FOXP2: variants seen among roughly 807,000 people sequenced by gnomAD.
FOXP2 encodes forkhead box protein P2.
FOXP2 carries 12 observed loss-of-function variants against 115.8 expected under a neutral mutation model. That is an observed-to-expected ratio of 0.10 (90% confidence interval 0.07 to 0.17). The LOEUF is 0.17. Among genes scored for constraint, FOXP2 ranks in the 10% least tolerant of loss-of-function variants. FOXP2 has a pLI of 1.00. For missense variants in FOXP2, 629 were observed against 843.5 expected (o/e 0.75, Z 3.15); for synonymous variants, 328 against 297.7 (o/e 1.10, Z -1.05).
At chr7:114,124,955 C>A (rs944030715) in intron 1 of FOXP2, among the ~76,000 whole-genome samples, 2 of 152,020 alleles carry the variant, frequency 1.3e-5, no homozygotes, top group Non-Finnish European at 2.9e-5. Context: ...GACAAGGAAA[C>A]AAGAATATAA....
intron 3 of FOXP2, among the ~76,000 whole-genome samples, chr7:114,554,579 T>C (rs990425180): frequency 3.3e-5 from 5 of 152,150 alleles, no homozygotes; most frequent in African/African-American, 1.2e-4. Context: ...ATTATGATTT[T>C]TTGAAAATTT....
At chr7:114,663,311 T>C in intron 14 of FOXP2, 139 bp from the exon 15 acceptor site, 2 of 635,102 alleles carry the variant, frequency 3.1e-6, no homozygotes, top group Non-Finnish European at 5.5e-6. Context: ...CTCTATTACC[T>C]TATTTTTGTG....
chr7:114,259,325 G>A (rs1222752775), intron 1 of FOXP2, among the ~76,000 whole-genome samples: 4 of 152,142 alleles, frequency 2.6e-5, no homozygotes, highest in Non-Finnish European at 1.5e-5. Context: ...CACTGAAATA[G>A]GCTGTTAAAA....
At chr7:114,113,576 C>A (rs1791329177) in intron 1 of FOXP2, among the ~76,000 whole-genome samples, 1 of 152,002 alleles carries the variant, frequency 6.6e-6, no homozygotes, top group African/African-American at 2.4e-5. Context: ...CACTTTGTTG[C>A]CCAGGATGGT....
chr7:114,409,509 AT>A (rs1227731766), upstream of FOXP2, among the ~76,000 whole-genome samples: 1 of 152,148 alleles, frequency 6.6e-6, no homozygotes, highest in Non-Finnish European at 1.5e-5. Context: ...TGAAGAATAA[AT>A]TCAATACATT....
At chr7:114,235,935 C>G (rs1390466279) in intron 1 of FOXP2, among the ~76,000 whole-genome samples, 1 of 152,184 alleles carries the variant, frequency 6.6e-6, no homozygotes, top group African/African-American at 2.4e-5. Flanking sequence ...TAATTTCTCT[C>G]TAAGTGCTTG....
At chr7:114,227,843 T>G (rs1003324692) in intron 1 of FOXP2, among the ~76,000 whole-genome samples, 3 of 151,950 alleles carry the variant, frequency 2.0e-5, no homozygotes, top group Non-Finnish European at 2.9e-5. Context: ...TAGTATACTT[T>G]CTAGAGATGG....
chr7:114,194,367 TTC>T (rs1382863366), intron 1 of FOXP2, among the ~76,000 whole-genome samples: 7 of 152,198 alleles, frequency 4.6e-5, no homozygotes, highest in Non-Finnish European at 7.4e-5. Context: ...CCCTTTATCT[TTC>T]TCTCTGTCTT....
At chr7:114,647,118 G>T (rs535603660) in intron 8 of FOXP2, among the ~76,000 whole-genome samples, 19 of 151,920 alleles carry the variant, frequency 1.3e-4, no homozygotes, top group African/African-American at 4.6e-4. Flanking sequence ...AAATTTTACA[G>T]CTTCGACTTT....
intron 1 of FOXP2, among the ~76,000 whole-genome samples, chr7:114,112,860 C>T (rs1325896040): frequency 6.6e-6 from 1 of 151,980 alleles, no homozygotes; most frequent in African/African-American, 2.4e-5. Context: ...TCTTCCTCAC[C>T]CTTAAGTGGC....
At chr7:114,414,467 T>C (rs772412890), upstream of FOXP2, 2 of 152,604 alleles carry the variant, frequency 1.3e-5, no homozygotes, top group Admixed American at 6.6e-5. Context: ...CATTGTTTAC[T>C]TTACTGTAAA....
chr7:114,321,502 G>C (rs996827242), intron 2 of FOXP2, among the ~76,000 whole-genome samples: 1 of 151,922 alleles, frequency 6.6e-6, no homozygotes, highest in Non-Finnish European at 1.5e-5. Flanking sequence ...CTGGCCTCTA[G>C]TAACTTTTAA....
intron 1 of FOXP2, among the ~76,000 whole-genome samples, chr7:114,282,611 A>T (rs550926949): frequency 1.3e-5 from 2 of 152,186 alleles, no homozygotes; most frequent in South Asian, 4.1e-4. Context: ...TTCAAGAAAT[A>T]TTTATTGTGT....
chr7:114,490,680 G>T (rs528360690), intron 2 of FOXP2, among the ~76,000 whole-genome samples: 1 of 151,966 alleles, frequency 6.6e-6, no homozygotes, highest in African/African-American at 2.4e-5. Context: ...AACAGGCCCT[G>T]GTATGTGATG....
intron 1 of FOXP2, among the ~76,000 whole-genome samples, chr7:114,102,569 A>T (rs1791004701): frequency 6.6e-6 from 1 of 151,446 alleles, no homozygotes; most frequent in African/African-American, 2.4e-5. Context: ...TATTCTCTTG[A>T]TTTTTATTCA....
At chr7:114,217,925 A>G (rs1172668948) in intron 1 of FOXP2, among the ~76,000 whole-genome samples, 2 of 152,124 alleles carry the variant, frequency 1.3e-5, no homozygotes, top group African/African-American at 4.8e-5. Context: ...CTACTGAATG[A>G]TTGATTCTTG....
intron 2 of FOXP2, among the ~76,000 whole-genome samples, chr7:114,313,471 C>T (rs186393495): frequency 5.6e-5 from 3 of 53,890 alleles, no homozygotes; most frequent in Admixed American, 1.2e-4. Context: ...GTCGGCCGGG[C>T]GCGGTGGCTC....
chr7:114,128,264 T>G (rs1303568978), intron 1 of FOXP2, among the ~76,000 whole-genome samples: 1 of 152,176 alleles, frequency 6.6e-6, no homozygotes, highest in Non-Finnish European at 1.5e-5. Flanking sequence ...CAACTCTTAA[T>G]GGATACATTT....
At chr7:114,383,337 C>T (rs1237759119) in intron 2 of FOXP2, among the ~76,000 whole-genome samples, 2 of 152,102 alleles carry the variant, frequency 1.3e-5, no homozygotes. Context: ...TTGGAAGGGG[C>T]ATAATCAGGG....
Sources: allele counts gnomAD v4.1 joint callset (sites outside exome capture counted in the v4.1 genomes callset), GRCh38; gene constraint gnomAD v4.1.1; transcripts MANE v1.5; gene names NCBI Gene and HGNC (gene_info 2026-07-23, HGNC 2026-07-21).